Variants in CT83 observed in about 807,000 individuals in gnomAD.
CT83 encodes the protein kita-kyushu lung cancer antigen 1.
A neutral mutation model predicts 1.7 loss-of-function variants in CT83; 3 were observed. The observed-to-expected ratio is 1.76, with a 90% confidence interval of 0.80 to 4.55. The LOEUF (loss-of-function observed/expected upper bound fraction) is 4.55. CT83 is among the 30% of genes most tolerant of loss of function. CT83 has a pLI of 0.02. For synonymous variants in CT83, 35 were observed against 33.0 expected (o/e 1.06, Z -0.20); for missense variants, 80 against 84.8 (o/e 0.94, Z 0.22).
At position 116,462,850 on chromosome X, in the gene CT83, A is replaced by T; in HGVS notation, c.7T>A (p.Phe3Ile). 8.3e-7 allele frequency: 1 copy of T among 1,211,250 alleles called. No individual in the cohort carries two copies. The highest frequency in any genetic ancestry group is 1.1e-6 in the Non-Finnish European group (1 of 894,990). MN[F>I]YLLLASSILC... is the part of the protein sequence containing the mutation. ...ATGCTGCTCGCTAGGAGTAAATAGA[A>T]GTTCATGTTTCCTCTTCGGCCTCTT... Residue 3 changes from phenylalanine (F) to isoleucine (I), a missense_variant, in exon 1 of 2, where the codon TTC becomes ATC. Transcript: ENST00000371894.
rs1556695192 is a variant in CT83 at position 116,461,727 on chromosome X, C to T, written c.*14G>A. On this transcript the variant is annotated 3_prime_UTR_variant, in exon 2 of 2. Transcript: ENST00000371894. ...TTAATGATTTCCACCACTGGCATTA[C>T]ATCCTGTACGCTTTTAGGTGGATTT... 1 of 1,207,391 alleles carries T rather than the reference C, an allele frequency of 8.3e-7. No individual in the cohort carries two copies. The highest frequency in any genetic ancestry group is 1.8e-5 in the South Asian group (1 of 56,560).
At position 116,462,019 on chromosome X, in the gene CT83, G is replaced by A. The variant is rs901092623; in HGVS notation, c.76-12C>T. On this transcript the variant is annotated splice_polypyrimidine_tract_variant and intron_variant, in intron 1 of 1. Coordinates refer to ENST00000371894, the MANE Select transcript of CT83 (RefSeq NM_001017978.4). ...TCGCCAGTGTTTCTCTGTAAAGAAA[G>A]GGAATTATACATACGTAGTTTATCG... is the stretch of plus-strand genomic sequence containing the variant. 10 of 1,198,491 alleles carry A rather than the reference G, an allele frequency of 8.3e-6. No individual in the cohort carries two copies. The highest frequency in any genetic ancestry group is 1.1e-5 in the Non-Finnish European group (10 of 885,618).
rs1297310423 is a variant in CT83 at position 116,462,934 on chromosome X, G to T, written c.-78C>A. 10 of 1,002,554 alleles carry T rather than the reference G, an allele frequency of 1.0e-5. No individual in the cohort carries two copies. The Admixed American group carries it at 1.2e-4, about 12-fold the overall frequency. 82.6% of individuals were successfully genotyped at this position (1,002,554 alleles called of 1,213,427 possible). A position where few individuals can be genotyped will look rare whatever the true frequency, so the allele number is the denominator to read the frequency against. On this transcript the variant is annotated 5_prime_UTR_variant, in exon 1 of 2. Transcript: ENST00000371894. ...GTTGGGAAGCAGTGGGCCTCTAGCCGCCTGGATTTGGGAAACTTTGGGCCA... is the reference window on the plus strand; with the variant it reads ...GTTGGGAAGCAGTGGGCCTCTAGCCTCCTGGATTTGGGAAACTTTGGGCCA...
Position 116,461,954 on chromosome X carries a change from G to T in CT83, c.129C>A (p.Pro43=), listed in dbSNP as rs1452885936. ...TGCTGTTAATTAACCCAGAAGAAGA[G>T]GGTCTCACTAGTGCAAGAGCAGTTG... ...SNSTALALVR[P]SSSGLINSNT... The change falls in exon 2 of 2, where the codon CCC becomes CCA. Residue 43 remains proline, a synonymous_variant. Coordinates refer to ENST00000371894, the MANE Select transcript of CT83 (RefSeq NM_001017978.4). 1 of 1,206,871 alleles carries T rather than the reference G, an allele frequency of 8.3e-7. No individual in the cohort carries two copies. Among genetic ancestry groups the T allele is most frequent in the Non-Finnish European group, 1.1e-6 (1 of 892,742 alleles).
Position 116,461,932 on chromosome X carries a change from T to C in CT83, c.151A>G (p.Ser51Gly). The change falls in exon 2 of 2, where the codon AGC (serine) becomes GGC (glycine). Residue 51 changes from serine to glycine, a missense_variant. Physicochemically the swap from Ser to Gly is moderately conservative, Grantham distance 56 (BLOSUM62 0). Coordinates refer to ENST00000371894, the MANE Select transcript of CT83 (RefSeq NM_001017978.4). The part of the protein sequence containing the change: ...VRPSSSGLIN[S>G]NTDNNLAVYD... ...ACTGCAAGATTGTTGTCTGTATTGC[T>C]GTTAATTAACCCAGAAGAAGAGGGT... The C allele has an allele frequency of 8.3e-7, 1 of 1,208,322 alleles. No individual in the cohort carries two copies. The highest frequency in any genetic ancestry group is 1.1e-6 in the Non-Finnish European group (1 of 892,320).
chrX:116,462,124 C>T, intron 1 of CT83, 117 bp from the exon 2 acceptor site: 1 of 572,903 alleles, frequency 1.7e-6, no homozygotes, highest in Non-Finnish European at 2.8e-6. Flanking sequence ...CCTAATATGT[C>T]GAGATTAAAA....
At position 116,461,934 on chromosome X, in the gene CT83, T is replaced by C; in HGVS notation, c.149A>G (p.Asn50Ser). ...LVRPSSSGLI[N>S]SNTDNNLAVY... ...TGCAAGATTGTTGTCTGTATTGCTG[T>C]TAATTAACCCAGAAGAAGAGGGTCT... Residue 50 changes from asparagine (N) to serine (S), a missense_variant, in exon 2 of 2, where the codon AAC (asparagine) becomes AGC (serine). Physicochemically the swap from Asn to Ser is conservative, Grantham distance 46. Coordinates refer to ENST00000371894, the MANE Select transcript of CT83 (RefSeq NM_001017978.4). 2 of 1,208,477 alleles carry C rather than the reference T, an allele frequency of 1.7e-6. No homozygotes were observed. The highest frequency in any genetic ancestry group is 2.2e-6 in the Non-Finnish European group (2 of 892,557).
chrX:116,462,650 C>T (rs1271276916), intron 1 of CT83, 132 bp downstream of exon 1: 3 of 651,169 alleles, frequency 4.6e-6, no homozygotes, highest in South Asian at 2.8e-5. Context: ...CTCCTTTGAG[C>T]GAAAAGGAGA....
At position 116,461,701 on chromosome X, in the gene CT83, T is replaced by G. The variant is rs191793399; in HGVS notation, c.*40A>C. The G allele has an allele frequency of 8.4e-7, 1 of 1,190,198 alleles. No individual in the cohort carries two copies. Among genetic ancestry groups the G allele is most frequent in the African/African-American group, 1.8e-5 (1 of 56,735 alleles). On this transcript the variant is annotated 3_prime_UTR_variant, in exon 2 of 2. Transcript: ENST00000371894. ...ATCAAATGAATCTACTCAAAGTGTC[T>G]TTAATGATTTCCACCACTGGCATTA...
At chrX:116,462,675 C>T in intron 1 of CT83, 107 bp downstream of exon 1, 1 of 814,592 alleles carries the variant, frequency 1.2e-6, no homozygotes, top group Non-Finnish European at 1.8e-6. Context: ...AGGTGATCTC[C>T]CCTTACCTCT....
At position 116,462,356 on chromosome X, in the gene CT83, T is replaced by A. The variant is rs17270451; in HGVS notation, c.76-349A>T. Among the ~76,000 whole-genome samples the A allele has an allele frequency of 2.9e-3, 328 of 111,311 alleles. 6 individuals carry two copies. In the East Asian group the frequency reaches 0.072, roughly 24 times the overall value. ...AACACCAGAAAATCCACATTCACAC[T>A]CGAATTATTTGTGAATGCCCAGAAA... On this transcript the variant is annotated intron_variant, in intron 1 of 1. Coordinates refer to ENST00000371894, the MANE Select transcript of CT83 (RefSeq NM_001017978.4).
intron 1 of CT83, among the ~76,000 whole-genome samples, 173 bp from the exon 2 acceptor site, chrX:116,462,180 C>T (rs1170939123): frequency 4.5e-5 from 5 of 111,440 alleles, no homozygotes; most frequent in African/African-American, 1.6e-4. Context: ...TCTTCCAAAA[C>T]CAGACTGAGA....
intron 1 of CT83, 100 bp downstream of exon 1, chrX:116,462,682 C>T (rs1219557285): frequency 2.3e-6 from 2 of 867,894 alleles, no homozygotes; most frequent in Non-Finnish European, 3.4e-6. Context: ...CTCCCCTTAC[C>T]TCTCATTTTA....
chrX:116,462,972 T>C lies in CT83; in HGVS notation c.-116A>G. On this transcript the variant is annotated 5_prime_UTR_variant, in exon 1 of 2. Transcript: ENST00000371894. ...AAACTTTGGGCCAGGATGCCTGGTG[T>C]AACTGGGAAGTTCTGTGTTGTCCCG... is the stretch of plus-strand genomic sequence containing the variant. The C allele has an allele frequency of 1.5e-6, 1 of 662,119 alleles. No homozygotes were observed. Among genetic ancestry groups the C allele is most frequent in the Non-Finnish European group, 2.4e-6 (1 of 415,215 alleles). The allele number at this position is 662,119 out of a possible 1,213,427, so 54.6% of individuals were successfully genotyped here. A position where few individuals can be genotyped will look rare whatever the true frequency, so the allele number is the denominator to read the frequency against.
chrX:116,462,397 G>A (rs1928084567), intron 1 of CT83, among the ~76,000 whole-genome samples: 1 of 111,619 alleles, frequency 9.0e-6, no homozygotes, highest in Admixed American at 9.5e-5. Context: ...ATAAAATAAA[G>A]ATGGTGAGAT....
chrX:116,462,630 AAG>A (rs1360670980), intron 1 of CT83, 150 bp downstream of exon 1: 1 of 543,205 alleles, frequency 1.8e-6, no homozygotes, highest in Non-Finnish European at 3.1e-6. Context: ...TAAGCGGTAA[AAG>A]TCTGGGGCTC....
chrX:116,462,043 C>G, intron 1 of CT83, 36 bp from the exon 2 acceptor site: 2 of 1,105,979 alleles, frequency 1.8e-6, no homozygotes, highest in Non-Finnish European at 2.4e-6. Flanking sequence ...CGTAGTTTAT[C>G]GAATTAAGCA....
Position 116,462,871 on chromosome X carries a change from C to T in CT83, c.-15G>A. On this transcript the variant is annotated 5_prime_UTR_variant, in exon 1 of 2. Coordinates refer to ENST00000371894, the MANE Select transcript of CT83 (RefSeq NM_001017978.4). ...TAGAAGTTCATGTTTCCTCTTCGGCCTCTTCTCCCTTCTCGGGACGGACCC... is the reference window on the plus strand; with the variant it reads ...TAGAAGTTCATGTTTCCTCTTCGGCTTCTTCTCCCTTCTCGGGACGGACCC... 1 of 1,206,799 alleles carries T rather than the reference C, an allele frequency of 8.3e-7. No homozygotes were observed. The highest frequency in any genetic ancestry group is 1.1e-6 in the Non-Finnish European group (1 of 890,972).
At chrX:116,462,665 A>T (rs1035175264) in intron 1 of CT83, 117 bp downstream of exon 1, 3 of 729,329 alleles carry the variant, frequency 4.1e-6, no homozygotes, top group Non-Finnish European at 6.3e-6. Flanking sequence ...AGGAGAGATG[A>T]GGTGATCTCC....
Sources: gnomAD v4.1 joint callset for allele counts (sites outside exome capture counted in the v4.1 genomes callset) on GRCh38, gnomAD v4.1.1 for gene constraint, MANE v1.5 for transcripts, NCBI Gene and HGNC (gene_info 2026-07-23, HGNC 2026-07-21) for gene names.